Variants in ZFYVE1 observed in about 807,000 individuals in gnomAD.
ZFYVE1 encodes zinc finger FYVE-type containing 1.
In ZFYVE1, 30 loss-of-function variants were observed where a neutral mutation model predicts 74.4. The observed-to-expected ratio is 0.40, with a 90% confidence interval of 0.30 to 0.55. The LOEUF is 0.55. ZFYVE1 is among the 20% of genes least tolerant of loss of function. ZFYVE1 has a pLI of 0.42. For missense variants in ZFYVE1, 703 were observed against 1,011.6 expected, an observed-to-expected ratio of 0.69 and a Z score of 4.14; for synonymous variants, 335 against 385.1, an observed-to-expected ratio of 0.87 and a Z score of 1.52.
chr14:72,981,976 A>G, intron 4 of ZFYVE1, 81 bp from the exon 5 acceptor site: 2 of 1,180,468 alleles, frequency 1.7e-6, no homozygotes, highest in Non-Finnish European at 2.5e-6. Flanking sequence ...GCACCGTACA[A>G]GCAACACAGG....
chr14:72,973,402 T>C (rs1310679169), intron 11 of ZFYVE1, among the ~76,000 whole-genome samples: 2 of 151,964 alleles, frequency 1.3e-5, no homozygotes, highest in South Asian at 2.1e-4. Context: ...GGTAGGAGAA[T>C]TGCCTGAACC....
At chr14:72,979,294 G>T in intron 5 of ZFYVE1, 2 of 244,556 alleles carry the variant, frequency 8.2e-6, no homozygotes, top group Non-Finnish European at 1.7e-5. Flanking sequence ...CAGGTCAGAA[G>T]TTCAAGACCA....
At chr14:72,995,287 G>C (rs1893717407) in intron 3 of ZFYVE1, among the ~76,000 whole-genome samples, 1 of 152,120 alleles carries the variant, frequency 6.6e-6, no homozygotes, top group African/African-American at 2.4e-5. Context: ...AGTAGAGACA[G>C]GGTTTCACCA....
intron 4 of ZFYVE1, among the ~76,000 whole-genome samples, chr14:72,991,871 C>T (rs1310471346): frequency 6.6e-6 from 1 of 151,700 alleles, no homozygotes; most frequent in Non-Finnish European, 1.5e-5. Context: ...AGTATGCTTT[C>T]ATTTAATCCC....
intron 2 of ZFYVE1, among the ~76,000 whole-genome samples, chr14:73,000,659 T>C (rs985603630): frequency 6.6e-6 from 1 of 150,554 alleles, no homozygotes; most frequent in South Asian, 2.1e-4. Context: ...AGAATCACAA[T>C]GTTCATGCAC....
intron 6 of ZFYVE1, 32 bp downstream of exon 6, chr14:72,978,829 T>C: frequency 6.3e-7 from 1 of 1,598,590 alleles, no homozygotes; most frequent in South Asian, 1.1e-5. Flanking sequence ...GCAAGCCCGC[T>C]GCTGACACAG....
rs984761748 is a variant in ZFYVE1, at chr14:72,975,626, T to C, written c.1731A>G (p.Gly577=). 2 of 1,613,890 alleles carry C rather than the reference T, an allele frequency of 1.2e-6. No homozygotes were observed. The highest frequency in any genetic ancestry group is 1.7e-6 in the Non-Finnish European group (2 of 1,179,976). ...MAQSVSELSL[G]PTKAVTSWLT... The stretch of plus-strand genomic sequence containing the variant: ...GCCAGGAAGTCACAGCCTTGGTGGG[T>C]CCAAGGCTAAGCTCGGACACCGACT... Residue 577 remains glycine, a synonymous_variant, in exon 9 of 12, where the codon GGA becomes GGG. Coordinates refer to ENST00000556143, the MANE Select transcript of ZFYVE1 (RefSeq NM_021260.4). This position sits in a 1 kb window ranked among gnomAD's most constrained non-coding sequence, Gnocchi z 4.1.
At chr14:72,999,913 T>C (rs923475371) in intron 2 of ZFYVE1, among the ~76,000 whole-genome samples, 1 of 151,798 alleles carries the variant, frequency 6.6e-6, no homozygotes, top group African/African-American at 2.4e-5. Context: ...ACACAAAAAT[T>C]AGCAGAGTGT....
chr14:73,023,253 A>ATATGTTTTATATATAATATATAT (rs1333934649), intron 2 of ZFYVE1, among the ~76,000 whole-genome samples: 15 of 116,734 alleles, frequency 1.3e-4, no homozygotes, highest in African/African-American at 5.3e-4. Flanking sequence ...TATATATATT[A>ATATGTTTTATATATAATATATAT]TATGTTTTAT....
intron 8 of ZFYVE1, among the ~76,000 whole-genome samples, chr14:72,976,757 TG>T (rs200329185): frequency 0.053 from 7,628 of 145,274 alleles, 261 homozygotes; most frequent in Non-Finnish European, 0.081. Context: ...CACTCCAGCC[TG>T]GGTGACAGAG....
chr14:73,026,879 C>A (rs1376103133), intron 1 of ZFYVE1, 47 bp downstream of exon 1: 2 of 356,380 alleles, frequency 5.6e-6, no homozygotes, highest in East Asian at 8.2e-5. Flanking sequence ...CGCGCTGGGC[C>A]GTGCCCTCCC....
In ZFYVE1 at chr14:72,997,988, G is replaced by A. The variant is rs1893786480; in HGVS notation, c.811C>T (p.Arg271Trp). ...DLVIYRTHADRLHNDLFKFLG... is the reference protein window; with the variant it reads ...DLVIYRTHADWLHNDLFKFLG... ...AATTTGAAGAGGTCGTTATGCAGCC[G>A]GTCTGCATGAGTTCGATAGATGACG... Residue 271 changes from arginine (R) to tryptophan (W), a missense_variant, in exon 3 of 12, where the codon CGG becomes TGG. Physicochemically the swap from Arg to Trp is moderately radical, Grantham distance 101. This residue lies in a region of ZFYVE1 where 492 missense variants were observed against 790.0 expected (regional missense o/e 0.62). Coordinates refer to ENST00000556143, the MANE Select transcript of ZFYVE1 (RefSeq NM_021260.4). The A allele has an allele frequency of 6.2e-7, 1 of 1,614,070 alleles. No homozygotes were observed. Among genetic ancestry groups the A allele is most frequent in the Non-Finnish European group, 8.5e-7 (1 of 1,180,016 alleles).
At chr14:72,990,673 A>G (rs1893587127) in intron 4 of ZFYVE1, among the ~76,000 whole-genome samples, 1 of 134,366 alleles carries the variant, frequency 7.4e-6, no homozygotes, top group Admixed American at 8.2e-5. Flanking sequence ...TAAGGGCGTG[A>G]GCCACCGCAC....
intron 1 of ZFYVE1, among the ~76,000 whole-genome samples, chr14:73,025,693 C>CA (rs34131740): frequency 0.42 from 32,230 of 76,104 alleles, 5,973 homozygotes; most frequent in Admixed American, 0.55. Flanking sequence ...AAGACTCCCT[C>CA]AAAAAAAAAA....
chr14:73,023,377 A>T (rs1247580225), intron 2 of ZFYVE1, among the ~76,000 whole-genome samples: 3 of 15,686 alleles, frequency 1.9e-4, no homozygotes, highest in Non-Finnish European at 5.2e-4. Flanking sequence ...TTTATATATA[A>T]TATATATATT....
Position 72,998,161 on chromosome 14 carries a change from G to T in ZFYVE1, c.638C>A (p.Thr213Asn). 1 of 1,614,078 alleles carries T rather than the reference G, an allele frequency of 6.2e-7. No homozygotes were observed. The highest frequency in any genetic ancestry group is 8.5e-7 in the Non-Finnish European group (1 of 1,180,004). The change falls in exon 3 of 12, where the codon ACC becomes AAC. Residue 213 changes from threonine to asparagine, a missense_variant. Physicochemically the swap from Thr to Asn is moderately conservative, Grantham distance 65. This residue lies in a region of ZFYVE1 where 492 missense variants were observed against 790.0 expected (regional missense o/e 0.62). Coordinates refer to ENST00000556143, the MANE Select transcript of ZFYVE1 (RefSeq NM_021260.4). ...CACTCCCACAGTGCAGGACTCCTGG[G>T]TCGGGGAGGTTTTAAAGACTTCACG... is the stretch of plus-strand genomic sequence containing the variant. ...YGREVFKTSP[T>N]QESCTVGVWA...
At chr14:72,983,287 T>G (rs957116789) in intron 4 of ZFYVE1, among the ~76,000 whole-genome samples, 3 of 151,786 alleles carry the variant, frequency 2.0e-5, no homozygotes, top group Non-Finnish European at 4.4e-5. Flanking sequence ...CACGTTGGTG[T>G]GCTGCACCCA....
chr14:72,991,391 G>A (rs909989645), intron 4 of ZFYVE1, among the ~76,000 whole-genome samples: 15 of 151,868 alleles, frequency 9.9e-5, no homozygotes, highest in African/African-American at 2.7e-4. Flanking sequence ...GGGTTTCACC[G>A]TGTTAGCCAG....
Position 72,993,219 on chromosome 14 carries a change from C to A in ZFYVE1, c.1127G>T (p.Arg376Leu), listed in dbSNP as rs756351188. 1.2e-6 allele frequency: 2 copies of A among 1,613,588 alleles called. No individual in the cohort carries two copies. Among genetic ancestry groups the A allele is most frequent in the Non-Finnish European group, 8.5e-7 (1 of 1,179,934 alleles). ...ATTCTCTAGTAGCTGCTCCAAAGCA[C>A]GCCGAAGCCCAGAAAAGTCCGTGGG... ...NPPTDFSGLRRALEQLLENNT... is the reference protein window; with the variant it reads ...NPPTDFSGLRLALEQLLENNT... The change falls in exon 4 of 12, where the codon CGT becomes CTT. Residue 376 changes from arginine to leucine, a missense_variant. By Grantham distance (102) the Arg-to-Leu change is moderately radical. Transcript: ENST00000556143.
Sources: allele counts gnomAD v4.1 joint callset (sites outside exome capture counted in the v4.1 genomes callset), GRCh38; gene constraint gnomAD v4.1.1; regional missense constraint gnomAD v4.1.1; non-coding constraint Gnocchi (gnomAD v3.1); transcripts MANE v1.5; gene names NCBI Gene and HGNC (gene_info 2026-07-23, HGNC 2026-07-21).